Variants in SURF6 observed in about 807,000 individuals in gnomAD.
The protein encoded by SURF6 is surfeit 6.
A neutral mutation model predicts 37.5 loss-of-function variants in SURF6; 28 were observed. That is an observed-to-expected ratio of 0.75 (90% CI 0.55 to 1.02). The LOEUF is 1.02. SURF6 is among the 50% of genes least tolerant of loss of function. SURF6 has a pLI of 0.00. For missense variants in SURF6, 560 were observed against 490.5 expected, an observed-to-expected ratio of 1.14 and a Z score of -1.34; for synonymous variants, 248 against 210.9, an observed-to-expected ratio of 1.18 and a Z score of -1.52.
Position 133,329,062 on chromosome 9 carries a change from G to A in SURF6, c.*2807C>T, listed in dbSNP as rs1446903245. 1 of 153,188 alleles carries A rather than the reference G, an allele frequency of 6.5e-6. No homozygotes were observed. Among genetic ancestry groups the A allele is most frequent in the Non-Finnish European group, 1.5e-5 (1 of 68,434 alleles). The allele number at this position is 153,188 out of a possible 1,614,324, so 9.5% of individuals were successfully genotyped here. Reference sequence around the variant, plus strand: ...AGAGTGTGAGTCATCTCCAATGATAGGTAAGGTCACGTGGATCACGTGTCC... The same window carrying A: ...AGAGTGTGAGTCATCTCCAATGATAAGTAAGGTCACGTGGATCACGTGTCC... On this transcript the variant is annotated 3_prime_UTR_variant, in exon 5 of 5. Coordinates refer to ENST00000372022, the MANE Select transcript of SURF6 (RefSeq NM_006753.6).
At chr9:133,333,208 G>A (rs965997856) in intron 3 of SURF6, among the ~76,000 whole-genome samples, 1 of 152,012 alleles carries the variant, frequency 6.6e-6, no homozygotes, top group Admixed American at 6.6e-5. Context: ...AACGAGACCT[G>A]TGCTTCAGGA....
Position 133,334,394 on chromosome 9 carries a change from G to C in SURF6, c.302C>G (p.Ala101Gly). Residue 101 changes from alanine (A) to glycine (G), a missense_variant and splice_region_variant, in exon 2 of 5, where the codon GCA becomes GGA. By Grantham distance (60) the Ala-to-Gly change is moderately conservative. Coordinates refer to ENST00000372022, the MANE Select transcript of SURF6 (RefSeq NM_006753.6). ...AWASSSAGNP[A>G]DGLATEPESV... is the part of the protein sequence containing the mutation. ...CAACATGCCCTGAAGCCTCTCACCT[G>C]CAGGGTTCCCTGCTGAGCTGGAAGC... is the stretch of plus-strand genomic sequence containing the variant. 6.2e-7 allele frequency: 1 copy of C among 1,611,856 alleles called. No individual in the cohort carries two copies.
Position 133,330,613 on chromosome 9 carries a change from C to T in SURF6, c.*1256G>A, listed in dbSNP as rs1162390502. ...AATAGCCATTCGGAATTCTTTAACTCATAGGTAATTTATAAGTGTGTTTTA... is the reference window on the plus strand; with the variant it reads ...AATAGCCATTCGGAATTCTTTAACTTATAGGTAATTTATAAGTGTGTTTTA... On this transcript the variant is annotated 3_prime_UTR_variant, in exon 5 of 5. Coordinates refer to ENST00000372022, the MANE Select transcript of SURF6 (RefSeq NM_006753.6). The T allele has an allele frequency of 6.6e-6, 1 of 151,962 alleles. No individual in the cohort carries two copies. Among genetic ancestry groups the T allele is most frequent in the Non-Finnish European group, 1.5e-5 (1 of 68,000 alleles). 9.4% of individuals were successfully genotyped at this position (151,962 alleles called of 1,614,324 possible).
Position 133,332,577 on chromosome 9 carries a change from G to T in SURF6, c.577C>A (p.Arg193=), listed in dbSNP as rs142482112. Reference sequence around the variant, plus strand: ...TTGAAGATCAGCCCGGGCGGCTCCCGCGGCTCCGTGCAGGCCCCCTCTGGG... The same window carrying T: ...TTGAAGATCAGCCCGGGCGGCTCCCTCGGCTCCGTGCAGGCCCCCTCTGGG... The part of the protein sequence containing the change: ...ATPEGACTEP[R]EPPGLIFNKV... Residue 193 remains arginine, a synonymous_variant, in exon 4 of 5, where the codon CGG becomes AGG. Coordinates refer to ENST00000372022, the MANE Select transcript of SURF6 (RefSeq NM_006753.6). 1 of 1,609,062 alleles carries T rather than the reference G, an allele frequency of 6.2e-7. No individual in the cohort carries two copies. Among genetic ancestry groups the T allele is most frequent in the Admixed American group, 1.7e-5 (1 of 60,010 alleles).
Position 133,332,027 on chromosome 9 carries a change from G to A in SURF6, c.928C>T (p.Arg310Cys), listed in dbSNP as rs2129914064. 5.0e-6 allele frequency: 8 copies of A among 1,601,730 alleles called. No individual in the cohort carries two copies. The Admixed American group carries it at 6.7e-5, about 13-fold the overall frequency. Reference protein sequence around the residue: ...RAQRQRRWEKRTAGVVEKMQQ... With the variant: ...RAQRQRRWEKCTAGVVEKMQQ... ...ATCTTCTCCACCACGCCGGCCGTGC[G>A]CTTCTCCCACCGGCGCTGCCGCTGC... The change falls in exon 5 of 5, where the codon CGC becomes TGC. Residue 310 changes from arginine to cysteine, a missense_variant. Arg to Cys is a radical substitution (Grantham distance 180). Coordinates refer to ENST00000372022, the MANE Select transcript of SURF6 (RefSeq NM_006753.6).
chr9:133,336,067 C>T lies in SURF6; in HGVS notation c.66G>A (p.Ser22=). ...GCGTGCGCGCCTGCTGTTCCGGGGC[C>T]GAATGGGAGCAGATCTTCTTGGCCA... The part of the protein sequence containing the change: ...QSLAKKICSH[S]APEQQARTRA... Residue 22 remains serine, a synonymous_variant, in exon 1 of 5, where the codon TCG becomes TCA. Coordinates refer to ENST00000372022, the MANE Select transcript of SURF6 (RefSeq NM_006753.6). 6.2e-7 allele frequency: 1 copy of T among 1,612,518 alleles called. No individual in the cohort carries two copies.
At chr9:133,335,859 G>A (rs2129932841) in intron 1 of SURF6, among the ~76,000 whole-genome samples, 180 bp downstream of exon 1, 5 of 152,180 alleles carry the variant, frequency 3.3e-5, no homozygotes, top group East Asian at 1.9e-4. Context: ...CTGGACGACA[G>A]AGCGAGACTC....
rs1196254250 is a variant in SURF6, at chr9:133,332,090, G to C, written c.865C>G (p.Leu289Val). 1.2e-6 allele frequency: 2 copies of C among 1,608,572 alleles called. No individual in the cohort carries two copies. Among genetic ancestry groups the C allele is most frequent in the African/African-American group, 2.7e-5 (2 of 74,956 alleles). Residue 289 changes from leucine (L) to valine (V), a missense_variant, in exon 5 of 5, where the codon CTG (leucine) becomes GTG (valine). Physicochemically the swap from Leu to Val is conservative, Grantham distance 32. Transcript: ENST00000372022. ...GVKIRDDERLLQEALKRKEKR... is the reference protein window; with the variant it reads ...GVKIRDDERLVQEALKRKEKR... ...TCCTTGCGCTTCAGGGCCTCCTGCA[G>C]CAGGCGTTCGTCGTCACGGATCTTC...
At chr9:133,333,601 G>A (rs1835801139) in intron 3 of SURF6, 117 bp downstream of exon 3, 5 of 890,718 alleles carry the variant, frequency 5.6e-6, no homozygotes, top group Non-Finnish European at 9.0e-6. Flanking sequence ...ACCTGCTGGG[G>A]CCCTGCCAGA....
intron 1 of SURF6, among the ~76,000 whole-genome samples, chr9:133,335,645 A>G (rs1470542627): frequency 6.6e-6 from 1 of 151,400 alleles, no homozygotes; most frequent in Non-Finnish European, 1.5e-5. Context: ...CCATGCCCGT[A>G]GTGAAGGGAC....
chr9:133,333,266 C>T (rs1391257020), intron 3 of SURF6, among the ~76,000 whole-genome samples: 1 of 152,170 alleles, frequency 6.6e-6, no homozygotes, highest in Non-Finnish European at 1.5e-5. Flanking sequence ...CACACTGTAC[C>T]TCGGGATGGC....
intron 2 of SURF6, 42 bp downstream of exon 2, chr9:133,334,350 G>A (rs782629486): frequency 4.6e-6 from 7 of 1,535,408 alleles, no homozygotes; most frequent in Non-Finnish European, 6.1e-6. Flanking sequence ...CCCAGCCCCA[G>A]CCCCGCCCTG....
In SURF6 at chr9:133,332,268, C is replaced by G. The variant is rs782042170; in HGVS notation, c.687G>C (p.Thr229=). The G allele has an allele frequency of 6.2e-7, 1 of 1,602,738 alleles. No individual in the cohort carries two copies. Among genetic ancestry groups the G allele is most frequent in the African/African-American group, 1.3e-5 (1 of 74,936 alleles). The change falls in exon 5 of 5, where the codon ACG becomes ACC. Residue 229 remains threonine, a synonymous_variant. Transcript: ENST00000372022. ...GCCGGTAGTTCCTCCCGGTCAGCGGCGTGAGGTTCCCCTTCACCCTCTGCC... is the reference window on the plus strand; with the variant it reads ...GCCGGTAGTTCCTCCCGGTCAGCGGGGTGAGGTTCCCCTTCACCCTCTGCC... ...EKRQRVKGNL[T]PLTGRNYRQL...
At position 133,332,699 on chromosome 9, in the gene SURF6, C is replaced by T. The variant is rs1388025047; in HGVS notation, c.455G>A (p.Arg152Gln). ...LEKRRRRKQE[R>Q]DRKKRKRKEL... Reference sequence around the variant, plus strand: ...CTTTCGCTTCCTCTTCTTCCGGTCCCGTTCCTGCTTTCTCCGCCGCCTTTT... The same window carrying T: ...CTTTCGCTTCCTCTTCTTCCGGTCCTGTTCCTGCTTTCTCCGCCGCCTTTT... The change falls in exon 4 of 5, where the codon CGG becomes CAG. Residue 152 changes from arginine to glutamine, a missense_variant. By Grantham distance (43) the Arg-to-Gln change is conservative. Coordinates refer to ENST00000372022, the MANE Select transcript of SURF6 (RefSeq NM_006753.6). 3.1e-6 allele frequency: 5 copies of T among 1,612,142 alleles called. No homozygotes were observed. Among genetic ancestry groups the T allele is most frequent in the Non-Finnish European group, 3.4e-6 (4 of 1,180,020 alleles).
rs1314499852 is a variant in SURF6, at chr9:133,330,571, T to C, written c.*1298A>G. On this transcript the variant is annotated 3_prime_UTR_variant, in exon 5 of 5. Transcript: ENST00000372022. ...AATACGTAGCATTTTCATTATCCTT[T>C]AGTCCCAAATATTTCTAATAGCCAT... The C allele has an allele frequency of 1.3e-5, 2 of 152,190 alleles. No homozygotes were observed. The highest frequency in any genetic ancestry group is 4.8e-5 in the African/African-American group (2 of 41,430). The allele number at this position is 152,190 out of a possible 1,614,324, so 9.4% of individuals were successfully genotyped here.
chr9:133,335,991 TCC>T, intron 1 of SURF6, 46 bp downstream of exon 1: 4 of 1,532,138 alleles, frequency 2.6e-6, no homozygotes, highest in Non-Finnish European at 3.6e-6. Flanking sequence ...TCCGGCCGCG[TCC>T]CCCGTTTCGC....
chr9:133,329,686 C>A lies in SURF6; in HGVS notation c.*2183G>T, dbSNP rs1460808498. On this transcript the variant is annotated 3_prime_UTR_variant, in exon 5 of 5. Transcript: ENST00000372022. The stretch of plus-strand genomic sequence containing the variant: ...ATAATATTGGAATAAAAGGTAATTG[C>A]TACAAACTAATGATTAATGATATTC... 2.0e-5 allele frequency: 3 copies of A among 152,416 alleles called. No individual in the cohort carries two copies. Among genetic ancestry groups the A allele is most frequent in the Non-Finnish European group, 4.4e-5 (3 of 68,180 alleles). The allele number at this position is 152,416 out of a possible 1,614,324, so 9.4% of individuals were successfully genotyped here.
At position 133,332,576 on chromosome 9, in the gene SURF6, C is replaced by G. The variant is rs34657219; in HGVS notation, c.578G>C (p.Arg193Pro). 7 of 1,609,134 alleles carry G rather than the reference C, an allele frequency of 4.4e-6. No homozygotes were observed. The highest frequency in any genetic ancestry group is 5.9e-6 in the Non-Finnish European group (7 of 1,179,956). Reference protein sequence around the residue: ...ATPEGACTEPREPPGLIFNKV... With the variant: ...ATPEGACTEPPEPPGLIFNKV... ...ATTGAAGATCAGCCCGGGCGGCTCC[C>G]GCGGCTCCGTGCAGGCCCCCTCTGG... The change falls in exon 4 of 5, where the codon CGG (arginine) becomes CCG (proline). Residue 193 changes from arginine (R) to proline (P), a missense_variant. Arg to Pro is a moderately radical substitution (Grantham distance 103, BLOSUM62 -2). Transcript: ENST00000372022.
In SURF6 at chr9:133,336,137, G is replaced by GA. The variant is rs2129934586; in HGVS notation, c.-6dup. The GA allele has an allele frequency of 2.5e-6, 4 of 1,610,770 alleles. No individual in the cohort carries two copies. Among genetic ancestry groups the GA allele is most frequent in the Non-Finnish European group, 3.4e-6 (4 of 1,179,316 alleles). ...CTTGGCGAGTAGAGAGGCCATGGCG[G>GA]AGACCCGGGCCGTTCACGACTCACA... On this transcript the variant is annotated 5_prime_UTR_variant, in exon 1 of 5. Transcript: ENST00000372022.
Sources: gnomAD v4.1 joint callset for allele counts (sites outside exome capture counted in the v4.1 genomes callset) on GRCh38, gnomAD v4.1.1 for gene constraint, MANE v1.5 for transcripts, NCBI Gene and HGNC (gene_info 2026-07-23, HGNC 2026-07-21) for gene names.